ZNF354C: variants seen among roughly 807,000 people sequenced by gnomAD.
ZNF354C encodes KRAB-zinc finger protein synten.
A neutral mutation model predicts 12.4 loss-of-function variants in ZNF354C; 7 were observed. The ratio of observed to expected loss-of-function variants is 0.56; its 90% CI spans 0.32 to 1.06. ZNF354C has a LOEUF of 1.06. Ranked by LOEUF, ZNF354C falls within the 50% of genes least tolerant of loss-of-function variation. The pLI is 0.04. For missense variants in ZNF354C, 609 were observed against 658.0 expected, an observed-to-expected ratio of 0.93 and a Z score of 0.81; for synonymous variants, 202 against 224.5, an observed-to-expected ratio of 0.90 and a Z score of 0.90.
rs141333247 is a variant in ZNF354C, at chr5:179,061,619, C to G, written c.-54-396C>G. On this transcript the variant is annotated intron_variant, in intron 1 of 4. Transcript: ENST00000315475. ...TAGGGATGCGGGGAAGCCTCTTTAT[C>G]GTGGCTACCATAGGGAGGAAAGGGT... Among the ~76,000 whole-genome samples the G allele has an allele frequency of 3.7e-3, 559 of 152,116 alleles. 2 individuals are homozygous for G. The highest frequency in any genetic ancestry group is 6.2e-3 in the Non-Finnish European group (419 of 68,002).
In ZNF354C at chr5:179,079,411, C is replaced by T; in HGVS notation, c.979C>T (p.Leu327Phe). Reference sequence around the variant, plus strand: ...TCAGAGAATTCATACTGGAGAGAAACTCTATAAATGCGGCGAATGTGAGAA... The same window carrying T: ...TCAGAGAATTCATACTGGAGAGAAATTCTATAAATGCGGCGAATGTGAGAA... ...VHQRIHTGEK[L>F]YKCGECEKAF... Residue 327 changes from leucine to phenylalanine, a missense_variant, in exon 5 of 5, where the codon CTC (leucine) becomes TTC (phenylalanine). By Grantham distance (22) the Leu-to-Phe change is conservative. Transcript: ENST00000315475. This position sits in a 1 kb window ranked among gnomAD's most constrained non-coding sequence, Gnocchi z 4.2. 6.2e-7 allele frequency: 1 copy of T among 1,614,036 alleles called. No homozygotes were observed. Among genetic ancestry groups the T allele is most frequent in the South Asian group, 1.1e-5 (1 of 91,076 alleles).
Position 179,079,270 on chromosome 5 carries a change from G to T in ZNF354C, c.838G>T (p.Ala280Ser). The T allele has an allele frequency of 6.2e-7, 1 of 1,614,110 alleles. No homozygotes were observed. The highest frequency in any genetic ancestry group is 8.5e-7 in the Non-Finnish European group (1 of 1,180,020). The part of the protein sequence containing the change: ...KPYKCNECEK[A>S]FSNSSTLIKH... ...TTACAAGTGTAATGAATGTGAGAAG[G>T]CATTTAGCAACAGTTCAACCCTTAT... Residue 280 changes from alanine to serine, a missense_variant, in exon 5 of 5, where the codon GCA (alanine) becomes TCA (serine). Transcript: ENST00000315475. This position sits in a 1 kb window ranked among gnomAD's most constrained non-coding sequence, Gnocchi z 4.2.
At position 179,079,521 on chromosome 5, in the gene ZNF354C, G is replaced by A. The variant is rs763127093; in HGVS notation, c.1089G>A (p.Lys363=). ...CCTATAAATGTAGTGAGTGTGGGAA[G>A]GGATACAGCCAGTTTACATCTCTAG... ...EKPYKCSECG[K]GYSQFTSLAE... is the part of the protein sequence containing the mutation. Residue 363 remains lysine, a synonymous_variant, in exon 5 of 5, where the codon AAG becomes AAA. Coordinates refer to ENST00000315475, the MANE Select transcript of ZNF354C (RefSeq NM_014594.3). The surrounding 1 kb of genome is among the most constrained non-coding windows in gnomAD (Gnocchi z 4.2). 2 of 1,614,154 alleles carry A rather than the reference G, an allele frequency of 1.2e-6. No individual in the cohort carries two copies. Among genetic ancestry groups the A allele is most frequent in the Non-Finnish European group, 1.7e-6 (2 of 1,180,038 alleles).
At chr5:179,068,629 T>C (rs1005348136) in intron 2 of ZNF354C, among the ~76,000 whole-genome samples, 3 of 152,030 alleles carry the variant, frequency 2.0e-5, no homozygotes, top group Non-Finnish European at 4.4e-5. Context: ...GAATGCTTTT[T>C]TTTTTTTTTT....
intron 2 of ZNF354C, among the ~76,000 whole-genome samples, chr5:179,071,450 G>A (rs1762050969): frequency 6.7e-6 from 1 of 148,974 alleles, no homozygotes; most frequent in Non-Finnish European, 1.5e-5. Context: ...TAGAGAAATA[G>A]CTCCTTTCAG....
At chr5:179,078,281 G>A (rs773259220) in intron 4 of ZNF354C, among the ~76,000 whole-genome samples, 8 of 152,238 alleles carry the variant, frequency 5.3e-5, no homozygotes, top group Non-Finnish European at 1.5e-5. Flanking sequence ...GAAGGAGAAG[G>A]TGGACAGGCT....
intron 2 of ZNF354C, among the ~76,000 whole-genome samples, chr5:179,070,806 C>A (rs1235961343): frequency 6.7e-6 from 1 of 149,560 alleles, no homozygotes; most frequent in Non-Finnish European, 1.5e-5. Context: ...AGCACTCTCT[C>A]ATCCATTTCC....
At position 179,072,751 on chromosome 5, in the gene ZNF354C, T is replaced by C. The variant is rs192829824; in HGVS notation, c.28-3694T>C. Among the ~76,000 whole-genome samples, 3 of 152,298 alleles carry C rather than the reference T, an allele frequency of 2.0e-5. No homozygotes were observed. The East Asian group carries it at 5.8e-4, about 29-fold the overall frequency. ...AGCAAATAAATTAACTTTAATAATA[T>C]ATTTTCTTTGACCCAGTAGATCCAA... On this transcript the variant is annotated intron_variant, in intron 2 of 4. Coordinates refer to ENST00000315475, the MANE Select transcript of ZNF354C (RefSeq NM_014594.3).
Position 179,060,988 on chromosome 5 carries a change from C to T in ZNF354C, c.-55+322C>T, listed in dbSNP as rs368481020. 5.3e-5 allele frequency among the ~76,000 whole-genome samples: 8 copies of T among 152,340 alleles called. No homozygotes were observed. In the East Asian group the frequency reaches 1.2e-3, roughly 22 times the overall value. The stretch of plus-strand genomic sequence containing the variant: ...AGGATTGCCTTCCCGGCCCTTATGA[C>T]TTTGGGCAGGTCACGACCTCCTGGT... On this transcript the variant is annotated intron_variant, in intron 1 of 4. Coordinates refer to ENST00000315475, the MANE Select transcript of ZNF354C (RefSeq NM_014594.3). The surrounding 1 kb of genome is among the most constrained non-coding windows in gnomAD (Gnocchi z 4.2).
intron 2 of ZNF354C, among the ~76,000 whole-genome samples, chr5:179,073,274 A>G (rs1762073659): frequency 6.6e-6 from 1 of 152,230 alleles, no homozygotes; most frequent in African/African-American, 2.4e-5. Flanking sequence ...GGCCTGTACT[A>G]TAAGATACAC....
intron 2 of ZNF354C, among the ~76,000 whole-genome samples, chr5:179,068,382 T>A (rs1390728294): frequency 6.6e-6 from 1 of 152,228 alleles, no homozygotes; most frequent in Admixed American, 6.5e-5. Context: ...TCTGTTTTCA[T>A]ATTGTTTAAC....
At chr5:179,065,498 C>T (rs1026177954) in intron 2 of ZNF354C, among the ~76,000 whole-genome samples, 7 of 152,032 alleles carry the variant, frequency 4.6e-5, no homozygotes, top group African/African-American at 1.5e-4. Context: ...CTCACTGCAA[C>T]CTCTGCCTCC....
At chr5:179,067,317 A>G (rs1028576567) in intron 2 of ZNF354C, among the ~76,000 whole-genome samples, 1 of 152,226 alleles carries the variant, frequency 6.6e-6, no homozygotes, top group African/African-American at 2.4e-5. Flanking sequence ...ACTTGGGCTT[A>G]CAACATGGCG....
chr5:179,072,284 C>A (rs1029476714), intron 2 of ZNF354C, among the ~76,000 whole-genome samples: 2 of 143,398 alleles, frequency 1.4e-5, no homozygotes, highest in East Asian at 4.3e-4. Context: ...AATAAGATAC[C>A]TGAAATTGTA....
Position 179,078,730 on chromosome 5 carries a change from A to G in ZNF354C, c.298A>G (p.Ile100Val). 1 of 1,611,904 alleles carries G rather than the reference A, an allele frequency of 6.2e-7. No individual in the cohort carries two copies. The highest frequency in any genetic ancestry group is 8.5e-7 in the Non-Finnish European group (1 of 1,179,476). The change falls in exon 5 of 5, where the codon ATT becomes GTT. Residue 100 changes from isoleucine to valine, a missense_variant. By Grantham distance (29) the Ile-to-Val change is conservative. Coordinates refer to ENST00000315475, the MANE Select transcript of ZNF354C (RefSeq NM_014594.3). ...AGAAGCATTGCCTCATAGACAGGACATTTTTATAGAAGAAACATCTCAGGG... is the reference window on the plus strand; with the variant it reads ...AGAAGCATTGCCTCATAGACAGGACGTTTTTATAGAAGAAACATCTCAGGG... Reference protein sequence around the residue: ...ETEALPHRQDIFIEETSQGMV... With the variant: ...ETEALPHRQDVFIEETSQGMV...
At position 179,080,223 on chromosome 5, in the gene ZNF354C, A is replaced by G; in HGVS notation, c.*126A>G. The G allele has an allele frequency of 1.5e-6, 1 of 650,200 alleles. No individual in the cohort carries two copies. The highest frequency in any genetic ancestry group is 2.8e-5 in the South Asian group (1 of 35,424). The allele number at this position is 650,200 out of a possible 1,614,324, so 40.3% of individuals were successfully genotyped here. The stretch of plus-strand genomic sequence containing the variant: ...GAAATATGTTAGTTGCCACTAAGTC[A>G]TGATAAAATTGATCAGTGAGACTAT... On this transcript the variant is annotated 3_prime_UTR_variant, in exon 5 of 5. Transcript: ENST00000315475.
chr5:179,071,805 C>T (rs140202533), intron 2 of ZNF354C, among the ~76,000 whole-genome samples: 1 of 152,242 alleles, frequency 6.6e-6, no homozygotes, highest in African/African-American at 2.4e-5. Flanking sequence ...ACAAACTCTG[C>T]CCAAATCTCT....
chr5:179,065,131 C>T (rs1761943898), intron 2 of ZNF354C, among the ~76,000 whole-genome samples: 1 of 152,134 alleles, frequency 6.6e-6, no homozygotes, highest in African/African-American at 2.4e-5. Flanking sequence ...TCATACCCTG[C>T]ACCCAGCTTC....
At chr5:179,061,990 C>T (rs7729287) in intron 1 of ZNF354C, 25 bp from the exon 2 acceptor site, 33,505 of 1,535,110 alleles carry the variant, frequency 0.022, 999 homozygotes, top group African/African-American at 0.15. Context: ...GCCAGGGTTC[C>T]TCTTGACACC....
Sources: gnomAD v4.1 joint callset for allele counts (sites outside exome capture counted in the v4.1 genomes callset) on GRCh38, gnomAD v4.1.1 for gene constraint, Gnocchi (gnomAD v3.1) non-coding constraint, MANE v1.5 for transcripts, NCBI Gene and HGNC (gene_info 2026-07-23, HGNC 2026-07-21) for gene names.